The following GALNT1 variants were observed in gnomAD, a reference collection of about 807,000 sequenced individuals.
GALNT1 encodes polypeptide N-acetylgalactosaminyltransferase 1, also known as GalNAc transferase 1.
A neutral mutation model predicts 65.7 loss-of-function variants in GALNT1; 17 were observed. The observed-to-expected ratio is 0.26, with a 90% confidence interval of 0.18 to 0.39. The LOEUF is 0.39. Ranked by LOEUF, GALNT1 falls within the 10% of genes least tolerant of loss-of-function variation. The pLI is 1.00. For missense variants in GALNT1, 460 were observed against 672.8 expected (o/e 0.68, Z 3.50); for synonymous variants, 210 against 219.7 (o/e 0.96, Z 0.39).
rs2048331530 is a variant in GALNT1, at chr18:35,710,185, C to T, written c.*415C>T. On this transcript the variant is annotated 3_prime_UTR_variant, in exon 12 of 12. Transcript: ENST00000269195. ...CCAAGATTTTTTTTCCTGATTAGAA[C>T]TGGTAGCCAGTATATTAAATATTGA... 2 of 156,686 alleles carry T rather than the reference C, an allele frequency of 1.3e-5. No homozygotes were observed. The highest frequency in any genetic ancestry group is 2.8e-5 in the Non-Finnish European group (2 of 70,644). The allele number at this position is 156,686 out of a possible 1,614,324, so 9.7% of individuals were successfully genotyped here. A position where few individuals can be genotyped will look rare whatever the true frequency, so the allele number is the denominator to read the frequency against.
chr18:35,656,063 A>G (rs1230840483), intron 2 of GALNT1, among the ~76,000 whole-genome samples: 2 of 152,242 alleles, frequency 1.3e-5, no homozygotes, highest in Admixed American at 6.5e-5. Context: ...AACTGTATTC[A>G]TACTGTCTAT....
At chr18:35,646,747 T>A (rs1016444797) in intron 1 of GALNT1, among the ~76,000 whole-genome samples, 82 of 152,334 alleles carry the variant, frequency 5.4e-4, no homozygotes, top group African/African-American at 1.9e-3. Context: ...GTGTTTCTTT[T>A]AGTCTGTCTG....
chr18:35,599,875 A>G (rs981402136), intron 1 of GALNT1, among the ~76,000 whole-genome samples: 61 of 152,062 alleles, frequency 4.0e-4, no homozygotes, highest in Non-Finnish European at 7.8e-4. Flanking sequence ...ATTCTGTTCC[A>G]TTGATCTTTG....
chr18:35,676,465 C>G (rs2047712175), intron 3 of GALNT1, among the ~76,000 whole-genome samples: 1 of 152,158 alleles, frequency 6.6e-6, no homozygotes, highest in African/African-American at 2.4e-5. Context: ...CCTTTTCTTC[C>G]AACTGCCAAC....
chr18:35,637,142 C>T (rs766940856), intron 1 of GALNT1, among the ~76,000 whole-genome samples: 1 of 152,136 alleles, frequency 6.6e-6, no homozygotes. Context: ...AACACATACA[C>T]CACCACACTC....
At chr18:35,662,823 G>A (rs1250702787) in intron 2 of GALNT1, among the ~76,000 whole-genome samples, 2 of 151,960 alleles carry the variant, frequency 1.3e-5, no homozygotes, top group Non-Finnish European at 1.5e-5. Context: ...ATTTATTAAC[G>A]TCTCAAAAAC....
At chr18:35,592,913 A>T (rs902633967) in intron 1 of GALNT1, among the ~76,000 whole-genome samples, 3 of 152,116 alleles carry the variant, frequency 2.0e-5, no homozygotes, top group South Asian at 4.1e-4. Context: ...TTATGTAGGG[A>T]TAAGGACCTT....
At chr18:35,619,657 C>A (rs1225449513) in intron 1 of GALNT1, among the ~76,000 whole-genome samples, 1 of 152,164 alleles carries the variant, frequency 6.6e-6, no homozygotes, top group Non-Finnish European at 1.5e-5. Context: ...TGTTTGTGAT[C>A]CAAACTGGCA....
At chr18:35,639,853 G>A (rs761431766) in intron 1 of GALNT1, among the ~76,000 whole-genome samples, 12 of 152,088 alleles carry the variant, frequency 7.9e-5, no homozygotes, top group Non-Finnish European at 1.5e-4. Context: ...GTGGAGTGCA[G>A]TGGTGCGATC....
chr18:35,601,450 G>GT (rs1345379007), intron 1 of GALNT1, among the ~76,000 whole-genome samples: 6 of 151,332 alleles, frequency 4.0e-5, no homozygotes, highest in Admixed American at 3.9e-4. Context: ...CTTTTTTCCT[G>GT]TTCTTTATTA....
chr18:35,706,296 G>A (rs2048257840), intron 11 of GALNT1, among the ~76,000 whole-genome samples: 1 of 152,062 alleles, frequency 6.6e-6, no homozygotes, highest in South Asian at 2.1e-4. Context: ...GGATGACGAG[G>A]TCAGGAGATC....
intron 11 of GALNT1, among the ~76,000 whole-genome samples, chr18:35,704,748 A>G (rs949015879): frequency 6.6e-6 from 1 of 151,588 alleles, no homozygotes; most frequent in Non-Finnish European, 1.5e-5. Flanking sequence ...GGTTCAAGCT[A>G]TTCTCCTGCC....
intron 1 of GALNT1, among the ~76,000 whole-genome samples, chr18:35,587,171 A>G (rs2046387540): frequency 6.6e-6 from 1 of 152,198 alleles, no homozygotes; most frequent in African/African-American, 2.4e-5. Context: ...CAGTATGTAG[A>G]AATATAATTA....
intron 1 of GALNT1, among the ~76,000 whole-genome samples, chr18:35,599,525 C>G (rs1377815724): frequency 6.6e-6 from 1 of 152,108 alleles, no homozygotes; most frequent in Non-Finnish European, 1.5e-5. Context: ...CATGCACTGC[C>G]ACATCCAGCT....
chr18:35,657,858 A>G (rs919172590), intron 2 of GALNT1, among the ~76,000 whole-genome samples: 1 of 152,204 alleles, frequency 6.6e-6, no homozygotes, highest in Non-Finnish European at 1.5e-5. Flanking sequence ...CGGTAGTTAC[A>G]AGAGAGAAAT....
chr18:35,636,188 A>G (rs1188227833), intron 1 of GALNT1, among the ~76,000 whole-genome samples: 6 of 152,164 alleles, frequency 3.9e-5, no homozygotes, highest in Admixed American at 3.9e-4. Context: ...ATTTTTCCTT[A>G]TTGCAGAACT....
intron 8 of GALNT1, among the ~76,000 whole-genome samples, chr18:35,691,615 G>T (rs1359726084): frequency 6.6e-6 from 1 of 152,122 alleles, no homozygotes; most frequent in Non-Finnish European, 1.5e-5. Flanking sequence ...CTATAAGCAG[G>T]CCCTCAATGC....
At chr18:35,665,960 A>G (rs965793566) in intron 3 of GALNT1, among the ~76,000 whole-genome samples, 1 of 152,198 alleles carries the variant, frequency 6.6e-6, no homozygotes, top group Admixed American at 6.5e-5. Flanking sequence ...GAGAATGACC[A>G]GAAGGTGATG....
chr18:35,613,205 A>G (rs763222405), intron 1 of GALNT1, among the ~76,000 whole-genome samples: 8 of 152,188 alleles, frequency 5.3e-5, no homozygotes, highest in Non-Finnish European at 1.2e-4. Flanking sequence ...GTTTACTGAT[A>G]CGTACTGAGT....
Sources: allele counts gnomAD v4.1 joint callset (sites outside exome capture counted in the v4.1 genomes callset), GRCh38; gene constraint gnomAD v4.1.1; transcripts MANE v1.5; gene names NCBI Gene and HGNC (gene_info 2026-07-23, HGNC 2026-07-21).